The following BBS9 variants were observed in gnomAD, a reference collection of about 807,000 sequenced individuals.
BBS9 encodes protein PTHB1.
BBS9 carries 89 observed loss-of-function variants against 117.7 expected under a neutral mutation model. The ratio of observed to expected loss-of-function variants is 0.76; its 90% confidence interval spans 0.64 to 0.90. BBS9 has a LOEUF of 0.90. Ranked by LOEUF, BBS9 falls within the 40% of genes least tolerant of loss-of-function variation. The pLI is 0.00. For missense variants in BBS9, 982 were observed against 1,042.2 expected (o/e 0.94, Z 0.80); for synonymous variants, 379 against 370.9 (o/e 1.02, Z -0.25).
At chr7:33,155,926 A>C (rs1794036994) in intron 4 of BBS9, among the ~76,000 whole-genome samples, 1 of 152,118 alleles carries the variant, frequency 6.6e-6, no homozygotes, top group South Asian at 2.1e-4. Context: ...TCTTTCTAGC[A>C]GAGGATTCCT....
At chr7:33,544,000 T>G (rs1852845837) in intron 21 of BBS9, among the ~76,000 whole-genome samples, 1 of 152,194 alleles carries the variant, frequency 6.6e-6, no homozygotes, top group African/African-American at 2.4e-5. Context: ...TCTGAGACTT[T>G]CCAGAGCATT....
intron 17 of BBS9, among the ~76,000 whole-genome samples, chr7:33,383,012 T>A (rs1408679295): frequency 6.6e-6 from 1 of 152,202 alleles, no homozygotes; most frequent in Non-Finnish European, 1.5e-5. Context: ...ATCATAGGTG[T>A]TATTACCACC....
intron 9 of BBS9, among the ~76,000 whole-genome samples, chr7:33,319,182 A>G (rs1391012393): frequency 6.6e-6 from 1 of 151,348 alleles, no homozygotes; most frequent in Non-Finnish European, 1.5e-5. Context: ...AAAAAAGAAT[A>G]ATAGTCTCTA....
chr7:33,500,495 C>T (rs575121387), intron 19 of BBS9, among the ~76,000 whole-genome samples: 2 of 152,162 alleles, frequency 1.3e-5, no homozygotes, highest in African/African-American at 2.4e-5. Context: ...GTTTCCTCAT[C>T]GGGAAGTGGG....
chr7:33,613,214 G>A (rs1864965980), intron 21 of BBS9, among the ~76,000 whole-genome samples: 1 of 152,020 alleles, frequency 6.6e-6, no homozygotes, highest in Non-Finnish European at 1.5e-5. Context: ...AAAGTGGGGG[G>A]CCTGTCCCAC....
chr7:33,177,978 GA>G lies in BBS9; in HGVS notation c.442+390del, dbSNP rs1196984604. On this transcript the variant is annotated intron_variant, in intron 5 of 22. Transcript: ENST00000242067. The stretch of plus-strand genomic sequence containing the variant: ...TTTGTCTTTTATATATAAGCTGACT[GA>G]AACTGAGCTCTTTTTGTGTGTGATG... 1.5e-5 allele frequency: 3 copies of G among 195,474 alleles called. No individual in the cohort carries two copies. In the East Asian group the frequency reaches 4.1e-4, roughly 27 times the overall value. The allele number at this position is 195,474 out of a possible 1,614,324, so 12.1% of individuals were successfully genotyped here.
intron 4 of BBS9, among the ~76,000 whole-genome samples, chr7:33,176,587 C>T (rs1046860813): frequency 6.6e-6 from 1 of 152,112 alleles, no homozygotes; most frequent in Non-Finnish European, 1.5e-5. Flanking sequence ...AAACCCAAAA[C>T]AAATAAATGC....
intron 19 of BBS9, among the ~76,000 whole-genome samples, chr7:33,502,785 G>A (rs1845629733): frequency 6.6e-6 from 1 of 152,134 alleles, no homozygotes. Flanking sequence ...TTTAGAGTGA[G>A]ACACACTCCA....
At chr7:33,478,178 CT>C (rs1842053788) in intron 19 of BBS9, among the ~76,000 whole-genome samples, 1 of 151,906 alleles carries the variant, frequency 6.6e-6, no homozygotes, top group East Asian at 1.9e-4. Flanking sequence ...AGTTGTGAAC[CT>C]TTTTTTGAGG....
chr7:33,478,286 A>G (rs1842067441), intron 19 of BBS9, among the ~76,000 whole-genome samples: 1 of 152,186 alleles, frequency 6.6e-6, no homozygotes, highest in Non-Finnish European at 1.5e-5. Flanking sequence ...CAAGGGGTTT[A>G]CCAACACCTG....
At chr7:33,165,069 A>G (rs771008292) in intron 4 of BBS9, among the ~76,000 whole-genome samples, 6 of 151,958 alleles carry the variant, frequency 3.9e-5, no homozygotes, top group Admixed American at 6.6e-5. Context: ...AAAGAATTTT[A>G]TTTCTCCTTC....
chr7:33,519,253 G>A (rs1446090333), intron 20 of BBS9, among the ~76,000 whole-genome samples: 1 of 152,068 alleles, frequency 6.6e-6, no homozygotes, highest in African/African-American at 2.4e-5. Flanking sequence ...TTACTCACAT[G>A]GTTCTTCTCT....
chr7:33,232,922 T>A (rs545642223), intron 5 of BBS9, among the ~76,000 whole-genome samples: 10 of 152,172 alleles, frequency 6.6e-5, no homozygotes, highest in Non-Finnish European at 1.5e-4. Context: ...AAGTCGTAAC[T>A]CTCAAACAAT....
intron 20 of BBS9, among the ~76,000 whole-genome samples, chr7:33,512,914 G>A (rs775780265): frequency 2.0e-5 from 3 of 152,148 alleles, no homozygotes; most frequent in Non-Finnish European, 4.4e-5. Context: ...GTTGGCATCC[G>A]AAGTAGCCTT....
chr7:33,514,259 G>C (rs1433610744), intron 20 of BBS9, among the ~76,000 whole-genome samples: 3 of 152,190 alleles, frequency 2.0e-5, no homozygotes, highest in Non-Finnish European at 4.4e-5. Context: ...GACTGGTTCT[G>C]CTTTGGAGAG....
At chr7:33,499,601 T>C (rs1293869315) in intron 19 of BBS9, among the ~76,000 whole-genome samples, 1 of 152,198 alleles carries the variant, frequency 6.6e-6, no homozygotes, top group East Asian at 1.9e-4. Context: ...GTTTCACATA[T>C]TGCACATGAT....
intron 21 of BBS9, among the ~76,000 whole-genome samples, chr7:33,559,659 A>G (rs1306901523): frequency 1.3e-5 from 2 of 152,136 alleles, no homozygotes; most frequent in East Asian, 3.9e-4. Context: ...GAGTTTACTT[A>G]TATTATGCAA....
At chr7:33,173,640 C>G (rs1359100621) in intron 4 of BBS9, among the ~76,000 whole-genome samples, 1 of 151,654 alleles carries the variant, frequency 6.6e-6, no homozygotes, top group Non-Finnish European at 1.5e-5. Context: ...CTAGATGAGA[C>G]TATTTGGGGA....
intron 5 of BBS9, among the ~76,000 whole-genome samples, chr7:33,194,663 A>C (rs190098206): frequency 6.6e-6 from 1 of 152,194 alleles, no homozygotes; most frequent in Non-Finnish European, 1.5e-5. Flanking sequence ...TGATGTGAAT[A>C]TCTTTTTTCC....
Sources: allele counts gnomAD v4.1 joint callset (sites outside exome capture counted in the v4.1 genomes callset), GRCh38; gene constraint gnomAD v4.1.1; transcripts MANE v1.5; gene names NCBI Gene and HGNC (gene_info 2026-07-23, HGNC 2026-07-21).